The following PLCE1 variants were observed in gnomAD, a reference collection of about 807,000 sequenced individuals.
PLCE1 encodes 1-phosphatidylinositol 4,5-bisphosphate phosphodiesterase epsilon-1.
In PLCE1, 119 loss-of-function variants were observed where a neutral mutation model predicts 242.8. The observed-to-expected ratio is 0.49, with a 90% CI of 0.42 to 0.57. PLCE1 has a LOEUF of 0.57. Among genes scored for constraint, PLCE1 ranks in the 20% least tolerant of loss-of-function variants. PLCE1 has a pLI of 0.00. For synonymous variants in PLCE1, 945 were observed against 1,017.4 expected (o/e 0.93, Z 1.35); for missense variants, 2,441 against 2,788.8 (o/e 0.88, Z 2.81).
intron 31 of PLCE1, 104 bp downstream of exon 31, chr10:94,324,671 G>A (rs1286773735): frequency 1.9e-6 from 2 of 1,066,292 alleles, no homozygotes; most frequent in African/African-American, 3.1e-5. Flanking sequence ...AAGTTCCTGA[G>A]TCAAGGAATG....
At chr10:94,095,969 C>G (rs1313212095) in intron 2 of PLCE1, among the ~76,000 whole-genome samples, 1 of 152,162 alleles carries the variant, frequency 6.6e-6, no homozygotes, top group African/African-American at 2.4e-5. Flanking sequence ...CAAGGCAGAT[C>G]TGGAGTTGAG....
At position 94,330,790 on chromosome 10, in the gene PLCE1, CT is replaced by C. The variant is rs1369870132; in HGVS notation, c.*2850del. 1 of 151,890 alleles carries C rather than the reference CT, an allele frequency of 6.6e-6. No individual in the cohort carries two copies. The highest frequency in any genetic ancestry group is 1.5e-5 in the Non-Finnish European group (1 of 68,018). 9.4% of individuals were successfully genotyped at this position (151,890 alleles called of 1,614,324 possible). A position where few individuals can be genotyped will look rare whatever the true frequency, so the allele number is the denominator to read the frequency against. On this transcript the variant is annotated 3_prime_UTR_variant, in exon 33 of 33. Transcript: ENST00000371380. ...GAAAATATTTAAGTTTTATTTAAAG[CT>C]TTCTGAATTAAACAGCTATATTATG...
At chr10:94,140,162 A>T (rs1408032906) in intron 3 of PLCE1, among the ~76,000 whole-genome samples, 1 of 152,170 alleles carries the variant, frequency 6.6e-6, no homozygotes, top group African/African-American at 2.4e-5. Context: ...TAGCTATATT[A>T]AAGTTATTTA....
intron 4 of PLCE1, among the ~76,000 whole-genome samples, chr10:94,204,088 A>G (rs1167564010): frequency 6.6e-6 from 1 of 152,216 alleles, no homozygotes; most frequent in African/African-American, 2.4e-5. Context: ...AATTGGGGGA[A>G]GATTTTTTTA....
intron 2 of PLCE1, among the ~76,000 whole-genome samples, chr10:94,054,076 T>C (rs1410396164): frequency 6.6e-6 from 1 of 152,124 alleles, no homozygotes; most frequent in African/African-American, 2.4e-5. Context: ...AAGTGAGTCT[T>C]CCTTATGGTC....
At chr10:94,299,307 AC>A (rs2133548289) in intron 24 of PLCE1, among the ~76,000 whole-genome samples, 1 of 152,186 alleles carries the variant, frequency 6.6e-6, no homozygotes, top group Non-Finnish European at 1.5e-5. Context: ...TGAATTTTTG[AC>A]CCCCTATTAT....
Position 94,330,268 on chromosome 10 carries a change from A to C in PLCE1, c.*2325A>C, listed in dbSNP as rs1002027783. On this transcript the variant is annotated 3_prime_UTR_variant, in exon 33 of 33. Transcript: ENST00000371380. ...ACCAGGTTGTTTAGCAAGTGAGAGA[A>C]TCCAGCCTACTGCCTAGGTTGCATC... 2.6e-5 allele frequency: 4 copies of C among 152,272 alleles called. No homozygotes were observed. Among genetic ancestry groups the C allele is most frequent in the African/African-American group, 9.6e-5 (4 of 41,468 alleles). The allele number at this position is 152,272 out of a possible 1,614,324, so 9.4% of individuals were successfully genotyped here.
At chr10:94,036,100 T>G (rs1355287567) in intron 2 of PLCE1, among the ~76,000 whole-genome samples, 1 of 152,212 alleles carries the variant, frequency 6.6e-6, no homozygotes, top group Admixed American at 6.5e-5. Flanking sequence ...CCATGTGAAT[T>G]CTGGTACACA....
chr10:94,287,144 A>G (rs1371068659), intron 22 of PLCE1: 2 of 152,234 alleles, frequency 1.3e-5, no homozygotes, highest in Admixed American at 6.5e-5. Context: ...TATTTTAAAA[A>G]TTCCAAGTAT....
At chr10:94,294,736 C>T (rs1377141975) in intron 23 of PLCE1, among the ~76,000 whole-genome samples, 1 of 151,982 alleles carries the variant, frequency 6.6e-6, no homozygotes, top group Non-Finnish European at 1.5e-5. Context: ...GGTGTTGCCT[C>T]AACGTTGATG....
chr10:93,995,712 C>T (rs1157168043), intron 1 of PLCE1, among the ~76,000 whole-genome samples: 1 of 152,160 alleles, frequency 6.6e-6, no homozygotes, highest in Non-Finnish European at 1.5e-5. Flanking sequence ...GGGAAATTCC[C>T]TTTATACCCA....
intron 3 of PLCE1, among the ~76,000 whole-genome samples, chr10:94,157,046 T>G (rs966443994): frequency 6.6e-6 from 1 of 152,130 alleles, no homozygotes; most frequent in African/African-American, 2.4e-5. Flanking sequence ...GGGGATTCAT[T>G]AGTACAGTGT....
intron 2 of PLCE1, chr10:94,105,990 A>G (rs1308246979): frequency 6.6e-6 from 1 of 152,204 alleles, no homozygotes; most frequent in Non-Finnish European, 1.5e-5. Context: ...CCATTTTACA[A>G]ATAAGGCAAT....
intron 1 of PLCE1, among the ~76,000 whole-genome samples, chr10:94,014,551 GTACATT>G (rs2061240322): frequency 1.3e-5 from 2 of 152,006 alleles, no homozygotes; most frequent in South Asian, 4.1e-4. Context: ...GTGGCATTAA[GTACATT>G]TACATTGTTT....
intron 24 of PLCE1, among the ~76,000 whole-genome samples, chr10:94,300,665 G>GTT (rs200379212): frequency 0.026 from 3,970 of 152,262 alleles, 75 homozygotes; most frequent in Middle Eastern, 0.068. Flanking sequence ...TCTGAGTTGA[G>GTT]GCAGATTATC....
intron 2 of PLCE1, chr10:94,089,034 C>T (rs1008772632): frequency 1.6e-5 from 25 of 1,561,660 alleles, no homozygotes; most frequent in African/African-American, 1.1e-4. Context: ...TCACCCTGCA[C>T]GTTGCAGGAT....
intron 8 of PLCE1, among the ~76,000 whole-genome samples, chr10:94,250,438 T>G (rs1262398239): frequency 1.3e-5 from 2 of 148,218 alleles, no homozygotes; most frequent in Non-Finnish European, 3.0e-5. Context: ...GAGGCGGAGG[T>G]TGCAGTGAGC....
chr10:94,027,618 G>A (rs1036323467), intron 1 of PLCE1, among the ~76,000 whole-genome samples: 19 of 152,166 alleles, frequency 1.2e-4, no homozygotes, highest in African/African-American at 4.1e-4. Context: ...TCAGGAGATC[G>A]AGACCATCCT....
chr10:94,001,820 T>G (rs139496753), intron 1 of PLCE1, among the ~76,000 whole-genome samples: 418 of 152,358 alleles, frequency 2.7e-3, no homozygotes, highest in Non-Finnish European at 4.3e-3. Flanking sequence ...TGAAGCCCTC[T>G]CTAGTAGCCT....
Sources: gnomAD v4.1 joint callset for allele counts (sites outside exome capture counted in the v4.1 genomes callset) on GRCh38, gnomAD v4.1.1 for gene constraint, MANE v1.5 for transcripts, NCBI Gene and HGNC (gene_info 2026-07-23, HGNC 2026-07-21) for gene names.